ATXN10: variants seen among roughly 807,000 people sequenced by gnomAD.
ATXN10 encodes ataxin-10.
ATXN10 carries 28 observed loss-of-function variants against 52.9 expected under a neutral mutation model. The ratio of observed to expected loss-of-function variants is 0.53; its 90% CI spans 0.39 to 0.73. The LOEUF (loss-of-function observed/expected upper bound fraction) is 0.73. Among genes scored for constraint, ATXN10 ranks in the 30% least tolerant of loss-of-function variants. ATXN10 has a pLI of 0.00. For missense variants in ATXN10, 565 were observed against 577.0 expected (o/e 0.98, Z 0.21); for synonymous variants, 226 against 221.5 (o/e 1.02, Z -0.18).
intron 10 of ATXN10, among the ~76,000 whole-genome samples, chr22:45,821,225 C>T (rs148278953): frequency 3.9e-5 from 6 of 151,974 alleles, no homozygotes; most frequent in African/African-American, 1.2e-4. Context: ...CTTGTAGAAA[C>T]GAGTACAATT....
Position 45,737,230 on chromosome 22 carries a change from A to G in ATXN10, c.895-1501A>G, listed in dbSNP as rs182273689. On this transcript the variant is annotated intron_variant, in intron 7 of 11. Transcript: ENST00000252934. Reference sequence around the variant, plus strand: ...TGGGAGCCTCATCAAGTTGTTTCTGATTCCGAATTTCTGACATGACCCTAG... The same window carrying G: ...TGGGAGCCTCATCAAGTTGTTTCTGGTTCCGAATTTCTGACATGACCCTAG... 2.9e-3 allele frequency among the ~76,000 whole-genome samples: 447 copies of G among 152,310 alleles called. 2 individuals carry two copies. Among genetic ancestry groups the G allele is most frequent in the South Asian group, 8.9e-3 (43 of 4,826 alleles).
intron 1 of ATXN10, 89 bp downstream of exon 1, chr22:45,672,268 C>G (rs572999211): frequency 8.1e-7 from 1 of 1,231,652 alleles, no homozygotes; most frequent in Admixed American, 4.5e-5. Context: ...GGCGCCGCCC[C>G]CGCCTCGCTG....
intron 9 of ATXN10, among the ~76,000 whole-genome samples, chr22:45,777,710 CT>C (rs1927008087): frequency 6.6e-6 from 1 of 152,226 alleles, no homozygotes; most frequent in African/African-American, 2.4e-5. Flanking sequence ...TTTGGATTAA[CT>C]ATGTCTGTGC....
chr22:45,699,653 G>C (rs559686502), intron 3 of ATXN10, among the ~76,000 whole-genome samples: 6 of 151,328 alleles, frequency 4.0e-5, no homozygotes, highest in Non-Finnish European at 5.9e-5. Flanking sequence ...CACCACGCCT[G>C]GCTAATTTTT....
chr22:45,699,076 C>A (rs1439649451), intron 3 of ATXN10, among the ~76,000 whole-genome samples: 1 of 151,960 alleles, frequency 6.6e-6, no homozygotes, highest in Admixed American at 6.6e-5. Flanking sequence ...TATATTATGC[C>A]CATCAAATTT....
At chr22:45,831,470 A>G (rs1431026397) in intron 10 of ATXN10, among the ~76,000 whole-genome samples, 1 of 152,190 alleles carries the variant, frequency 6.6e-6, no homozygotes, top group Non-Finnish European at 1.5e-5. Context: ...CTGAGCACAA[A>G]ATAGTTTTCT....
intron 7 of ATXN10, 162 bp downstream of exon 7, chr22:45,729,752 C>G (rs1925015687): frequency 3.6e-6 from 3 of 824,262 alleles, no homozygotes; most frequent in Non-Finnish European, 6.0e-6. Flanking sequence ...TAAGGGAAAA[C>G]AGTGTCCTTA....
chr22:45,794,591 C>G (rs1927642867), intron 9 of ATXN10, among the ~76,000 whole-genome samples: 1 of 152,028 alleles, frequency 6.6e-6, no homozygotes, highest in Admixed American at 6.6e-5. Context: ...ACTTTCTTGC[C>G]TGTCAGTTTA....
chr22:45,808,722 C>A (rs1311998526), intron 10 of ATXN10, among the ~76,000 whole-genome samples: 1 of 152,202 alleles, frequency 6.6e-6, no homozygotes, highest in Non-Finnish European at 1.5e-5. Flanking sequence ...ACCTTAGCCA[C>A]TTCCCCACAC....
chr22:45,746,432 C>T (rs1342483100), intron 9 of ATXN10, among the ~76,000 whole-genome samples: 1 of 151,886 alleles, frequency 6.6e-6, no homozygotes, highest in African/African-American at 2.4e-5. Context: ...GGTTGTTGCT[C>T]TTAATGAGGA....
intron 10 of ATXN10, among the ~76,000 whole-genome samples, chr22:45,811,503 A>G (rs962926584): frequency 1.9e-4 from 29 of 152,182 alleles, no homozygotes; most frequent in Admixed American, 6.5e-4. Context: ...CTATGTTTAG[A>G]TACACAGATA....
At position 45,727,361 on chromosome 22, in the gene ATXN10, A is replaced by ATCTATCTATCTG. The variant is rs1924919976; in HGVS notation, c.729-2053_729-2052insGTCTATCTATCT. Among the ~76,000 whole-genome samples the ATCTATCTATCTG allele has an allele frequency of 6.6e-6, 1 of 151,200 alleles. No homozygotes were observed. The highest frequency in any genetic ancestry group is 6.6e-5 in the Admixed American group (1 of 15,108). On this transcript the variant is annotated intron_variant, in intron 6 of 11. Coordinates refer to ENST00000252934, the MANE Select transcript of ATXN10 (RefSeq NM_013236.4). This position sits in a 1 kb window ranked among gnomAD's most constrained non-coding sequence, Gnocchi z 4.6. ...TATCTATCTATCTATCTATCTATCTATCTATCTATCTATCTGAGACTGAGT... is the reference window on the plus strand; with the variant it reads ...TATCTATCTATCTATCTATCTATCTATCTATCTATCTGTCTATCTATCTATCTGAGACTGAGT...
chr22:45,746,737 C>T (rs1421011430), intron 9 of ATXN10, among the ~76,000 whole-genome samples: 1 of 152,126 alleles, frequency 6.6e-6, no homozygotes, highest in Non-Finnish European at 1.5e-5. Flanking sequence ...TTGACCTGTG[C>T]AGAAACACTT....
chr22:45,725,853 T>G (rs1051575755), intron 6 of ATXN10, among the ~76,000 whole-genome samples: 2 of 152,174 alleles, frequency 1.3e-5, no homozygotes, highest in Admixed American at 1.3e-4. Context: ...TATGCCCAGA[T>G]TTTTATCATA....
chr22:45,714,925 C>T (rs371391806), intron 5 of ATXN10, among the ~76,000 whole-genome samples: 1 of 152,088 alleles, frequency 6.6e-6, no homozygotes, highest in African/African-American at 2.4e-5. Flanking sequence ...CTGGTGGTCC[C>T]GGCAACAGAG....
intron 9 of ATXN10, among the ~76,000 whole-genome samples, chr22:45,788,264 G>T (rs933257228): frequency 6.6e-6 from 1 of 152,006 alleles, no homozygotes; most frequent in Admixed American, 6.6e-5. Context: ...TCGTCTCTAA[G>T]TGCCTCCCGC....
chr22:45,721,493 G>A lies in ATXN10; in HGVS notation c.728+3000G>A, dbSNP rs1382623353. Among the ~76,000 whole-genome samples, 5 of 152,206 alleles carry A rather than the reference G, an allele frequency of 3.3e-5. No homozygotes were observed. In the East Asian group the frequency reaches 9.6e-4, roughly 29 times the overall value. ...CCCGTAAACGTGTTGCAGGGAAGAA[G>A]ATAATTGACTTTGGCATCAGAAAGA... On this transcript the variant is annotated intron_variant, in intron 6 of 11. Transcript: ENST00000252934.
At chr22:45,782,190 T>C (rs1927171765) in intron 9 of ATXN10, among the ~76,000 whole-genome samples, 1 of 152,204 alleles carries the variant, frequency 6.6e-6, no homozygotes, top group Admixed American at 6.5e-5. Context: ...TCTCAGTCTT[T>C]TATTCTTCAT....
At chr22:45,739,060 C>T (rs1225422727) in intron 8 of ATXN10, among the ~76,000 whole-genome samples, 3 of 152,148 alleles carry the variant, frequency 2.0e-5, no homozygotes, top group African/African-American at 7.2e-5. Flanking sequence ...ACTGAAGATT[C>T]CTTCTCAGTA....
Sources: gnomAD v4.1 joint callset for allele counts (sites outside exome capture counted in the v4.1 genomes callset) on GRCh38, gnomAD v4.1.1 for gene constraint, Gnocchi (gnomAD v3.1) non-coding constraint, MANE v1.5 for transcripts, NCBI Gene and HGNC (gene_info 2026-07-23, HGNC 2026-07-21) for gene names.